Variants in UNC5C observed in about 807,000 individuals in gnomAD.
The protein encoded by UNC5C is unc-5 netrin receptor C.
Under a neutral mutation model 99.8 loss-of-function variants are expected in UNC5C, and 47 were observed. That is an observed-to-expected ratio of 0.47 (90% CI 0.37 to 0.60). The LOEUF (loss-of-function observed/expected upper bound fraction) is 0.60. UNC5C is among the 20% of genes least tolerant of loss of function. The pLI, the probability that UNC5C is intolerant of heterozygous loss-of-function variation, is 0.00. For synonymous variants in UNC5C, 487 were observed against 452.2 expected (o/e 1.08, Z -0.98); for missense variants, 1,062 against 1,165.9 (o/e 0.91, Z 1.30).
chr4:95,505,123 C>A (rs548133834), intron 1 of UNC5C, among the ~76,000 whole-genome samples: 2 of 152,194 alleles, frequency 1.3e-5, no homozygotes, highest in African/African-American at 4.8e-5. Context: ...CCTGCTTTAA[C>A]TGGTCCGTTA....
chr4:95,358,345 A>G (rs1579355623), intron 1 of UNC5C, among the ~76,000 whole-genome samples: 1 of 152,252 alleles, frequency 6.6e-6, no homozygotes, highest in East Asian at 1.9e-4. Flanking sequence ...AACTCTGTTG[A>G]GAGAAAATGT....
At chr4:95,412,807 G>A (rs1253440126) in intron 1 of UNC5C, among the ~76,000 whole-genome samples, 1 of 152,154 alleles carries the variant, frequency 6.6e-6, no homozygotes, top group East Asian at 1.9e-4. Context: ...AGAAAGAATG[G>A]GAGAGCATAC....
At chr4:95,185,657 A>G (rs949163683) in intron 12 of UNC5C, among the ~76,000 whole-genome samples, 3 of 152,236 alleles carry the variant, frequency 2.0e-5, no homozygotes, top group Non-Finnish European at 2.9e-5. Context: ...ACTTGATAAA[A>G]CCAAACAACA....
At chr4:95,548,025 C>G (rs1035814286) in intron 1 of UNC5C, among the ~76,000 whole-genome samples, 3 of 152,188 alleles carry the variant, frequency 2.0e-5, no homozygotes, top group African/African-American at 4.8e-5. Flanking sequence ...GCCGGTTCCC[C>G]CAGAGCTCCG....
rs539094860 is a variant in UNC5C at position 95,525,510 on chromosome 4, G to T, written c.124+23224C>A. Among the ~76,000 whole-genome samples the T allele has an allele frequency of 1.3e-4, 18 of 142,988 alleles. 1 individual carries two copies. In the South Asian group the frequency reaches 4.0e-3, roughly 32 times the overall value. 93.8% of individuals were successfully genotyped at this position (142,988 alleles called of 152,430 possible). A position where few individuals can be genotyped will look rare whatever the true frequency, so the allele number is the denominator to read the frequency against. ...AAAAGATGTGAAATACATGTAACTCGAAATGTGATACTCAAGTTCTCACCT... is the reference window on the plus strand; with the variant it reads ...AAAAGATGTGAAATACATGTAACTCTAAATGTGATACTCAAGTTCTCACCT... On this transcript the variant is annotated intron_variant, in intron 1 of 15. Coordinates refer to ENST00000453304, the MANE Select transcript of UNC5C (RefSeq NM_003728.4).
At chr4:95,484,480 T>A (rs1399621513) in intron 1 of UNC5C, among the ~76,000 whole-genome samples, 3 of 150,136 alleles carry the variant, frequency 2.0e-5, no homozygotes, top group African/African-American at 7.4e-5. Flanking sequence ...ACATGACTGG[T>A]GTTGGGTGAC....
At chr4:95,250,768 C>T (rs1051630918) in intron 4 of UNC5C, 101 bp from the exon 5 acceptor site, 40 of 1,180,962 alleles carry the variant, frequency 3.4e-5, no homozygotes, top group Middle Eastern at 2.8e-4. Flanking sequence ...GCCAAAAGGC[C>T]GAGAAGCGAT....
intron 1 of UNC5C, among the ~76,000 whole-genome samples, chr4:95,528,573 G>A (rs553941632): frequency 1.3e-5 from 2 of 152,328 alleles, no homozygotes; most frequent in African/African-American, 4.8e-5. Flanking sequence ...CTGTTGCTGA[G>A]AGATGTGGTA....
At chr4:95,480,231 A>G (rs566013794) in intron 1 of UNC5C, among the ~76,000 whole-genome samples, 1 of 148,992 alleles carries the variant, frequency 6.7e-6, no homozygotes, top group East Asian at 1.9e-4. Context: ...GTATATATAC[A>G]TTCATAATGT....
At chr4:95,319,552 G>C (rs1163879454) in intron 2 of UNC5C, among the ~76,000 whole-genome samples, 1 of 152,136 alleles carries the variant, frequency 6.6e-6, no homozygotes, top group African/African-American at 2.4e-5. Flanking sequence ...ACATGGGCTG[G>C]TTTTTACATC....
At chr4:95,335,746 C>T in intron 1 of UNC5C, 115 bp from the exon 2 acceptor site, 1 of 779,440 alleles carries the variant, frequency 1.3e-6, no homozygotes, top group Non-Finnish European at 2.0e-6. Flanking sequence ...GATTTGAATG[C>T]CTGCTGTGTG....
intron 8 of UNC5C, 122 bp downstream of exon 8, chr4:95,219,859 AAATT>A: frequency 9.7e-7 from 1 of 1,027,000 alleles, no homozygotes; most frequent in East Asian, 2.4e-5. Context: ...GTAATGAACA[AAATT>A]AACTCAAATT....
chr4:95,236,057 C>T (rs1345462288), intron 7 of UNC5C, among the ~76,000 whole-genome samples: 1 of 152,102 alleles, frequency 6.6e-6, no homozygotes. Context: ...CTAGAAATAC[C>T]ATTTGACCCA....
rs775834657 is a variant in UNC5C, at chr4:95,310,294, A to G, written c.347-8545T>C. On this transcript the variant is annotated intron_variant, in intron 2 of 15. Coordinates refer to ENST00000453304, the MANE Select transcript of UNC5C (RefSeq NM_003728.4). Reference sequence around the variant, plus strand: ...TTCACAGAGGGTAGGGGGTCCCAAGATGGGTGACTGGGAAAATGTTGGTCA... The same window carrying G: ...TTCACAGAGGGTAGGGGGTCCCAAGGTGGGTGACTGGGAAAATGTTGGTCA... 3.3e-5 allele frequency among the ~76,000 whole-genome samples: 5 copies of G among 152,232 alleles called. No homozygotes were observed. In the East Asian group the frequency reaches 9.7e-4, roughly 29 times the overall value.
chr4:95,178,006 C>T (rs1736441242), intron 14 of UNC5C, among the ~76,000 whole-genome samples: 1 of 152,134 alleles, frequency 6.6e-6, no homozygotes, highest in Admixed American at 6.5e-5. Context: ...CCATACCTGG[C>T]CCAGTGAGGG....
At chr4:95,308,129 G>GA (rs929750552) in intron 2 of UNC5C, among the ~76,000 whole-genome samples, 2 of 152,038 alleles carry the variant, frequency 1.3e-5, no homozygotes, top group Non-Finnish European at 2.9e-5. Context: ...TATGCAAGAG[G>GA]AAAAAAATTC....
intron 12 of UNC5C, among the ~76,000 whole-genome samples, chr4:95,201,333 G>A (rs1368534748): frequency 6.6e-6 from 1 of 152,044 alleles, no homozygotes; most frequent in Non-Finnish European, 1.5e-5. Context: ...CACTTGAACA[G>A]GACTTTTTAG....
chr4:95,236,293 T>C (rs1279856468), intron 7 of UNC5C, among the ~76,000 whole-genome samples: 1 of 152,104 alleles, frequency 6.6e-6, no homozygotes, highest in African/African-American at 2.4e-5. Flanking sequence ...GGGACATGGA[T>C]GAAGCTGGAA....
At chr4:95,308,842 A>G (rs1742160699) in intron 2 of UNC5C, among the ~76,000 whole-genome samples, 1 of 151,840 alleles carries the variant, frequency 6.6e-6, no homozygotes, top group Admixed American at 6.6e-5. Flanking sequence ...TAATATTGTT[A>G]AAATGTTCAT....
Sources: gnomAD v4.1 joint callset for allele counts (sites outside exome capture counted in the v4.1 genomes callset) on GRCh38, gnomAD v4.1.1 for gene constraint, MANE v1.5 for transcripts, NCBI Gene and HGNC (gene_info 2026-07-23, HGNC 2026-07-21) for gene names.